CFAP58: variants seen among roughly 807,000 people sequenced by gnomAD.
CFAP58 encodes the protein cilia- and flagella-associated protein 58.
Under a neutral mutation model 119.5 loss-of-function variants are expected in CFAP58, and 88 were observed. The ratio of observed to expected loss-of-function variants is 0.74; its 90% CI spans 0.62 to 0.88. The LOEUF is 0.88. Among genes scored for constraint, CFAP58 ranks in the 40% least tolerant of loss-of-function variants. The pLI, the probability that CFAP58 is intolerant of heterozygous loss-of-function variation, is 0.00. For synonymous variants in CFAP58, 365 were observed against 366.3 expected, an observed-to-expected ratio of 1.00 and a Z score of 0.04; for missense variants, 990 against 1,021.2, an observed-to-expected ratio of 0.97 and a Z score of 0.42.
Position 104,438,565 on chromosome 10 carries a change from C to T in CFAP58, c.2257-9133C>T, listed in dbSNP as rs371044873. ...TAATTTTTTGTATTTTTAGTAGAGA[C>T]GGGGTTTCACCTTGTTAGCCAGGAT... On this transcript the variant is annotated intron_variant, in intron 15 of 17. Transcript: ENST00000369704. Among the ~76,000 whole-genome samples, 47 of 151,822 alleles carry T rather than the reference C, an allele frequency of 3.1e-4. 1 individual carries two copies. Among genetic ancestry groups the T allele is most frequent in the African/African-American group, 1.1e-3 (45 of 41,440 alleles).
chr10:104,366,322 C>T (rs577757576), intron 5 of CFAP58, among the ~76,000 whole-genome samples: 3 of 152,242 alleles, frequency 2.0e-5, no homozygotes, highest in Non-Finnish European at 4.4e-5. Context: ...CACTCAACCG[C>T]ATCTTGGTCA....
At chr10:104,372,938 T>TTTCC (rs1387877404) in intron 7 of CFAP58, among the ~76,000 whole-genome samples, 3 of 151,978 alleles carry the variant, frequency 2.0e-5, no homozygotes, top group African/African-American at 7.3e-5. Flanking sequence ...GGAGCATGGG[T>TTTCC]CTCCCTCCTA....
intron 2 of CFAP58, among the ~76,000 whole-genome samples, chr10:104,360,052 T>TTA (rs2014645345): frequency 1.3e-5 from 2 of 152,380 alleles, no homozygotes; most frequent in South Asian, 4.1e-4. Context: ...AAGAGTAATC[T>TTA]GTCTAATGTA....
At chr10:104,420,636 A>G (rs1037203896) in intron 15 of CFAP58, among the ~76,000 whole-genome samples, 5 of 152,188 alleles carry the variant, frequency 3.3e-5, no homozygotes, top group Non-Finnish European at 5.9e-5. Flanking sequence ...TCCTACAACT[A>G]AAATAAAAGT....
intron 15 of CFAP58, among the ~76,000 whole-genome samples, chr10:104,420,470 A>G (rs893996401): frequency 1.3e-5 from 2 of 152,182 alleles, no homozygotes; most frequent in South Asian, 2.1e-4. Context: ...CAGATCTTCA[A>G]TTTGGTTAGC....
intron 9 of CFAP58, among the ~76,000 whole-genome samples, chr10:104,385,369 G>A (rs2011901836): frequency 6.6e-6 from 1 of 152,086 alleles, no homozygotes; most frequent in Non-Finnish European, 1.5e-5. Context: ...AATCCAACAT[G>A]GCGTTACTGC....
intron 15 of CFAP58, among the ~76,000 whole-genome samples, chr10:104,444,956 T>G (rs1427353495): frequency 1.3e-5 from 2 of 152,188 alleles, no homozygotes; most frequent in Admixed American, 6.5e-5. Context: ...TTCTCCATAC[T>G]TGTGGGCCCT....
chr10:104,392,801 G>T (rs1420178837), intron 10 of CFAP58, among the ~76,000 whole-genome samples: 1 of 151,870 alleles, frequency 6.6e-6, no homozygotes, highest in Non-Finnish European at 1.5e-5. Context: ...CACCATGCCT[G>T]GCTAATTTTT....
chr10:104,372,729 C>T (rs1017837882), intron 7 of CFAP58, among the ~76,000 whole-genome samples: 3 of 152,160 alleles, frequency 2.0e-5, no homozygotes, highest in Non-Finnish European at 4.4e-5. Flanking sequence ...TTTTTGCTTG[C>T]AATAGTTCTA....
rs566970373 is a variant in CFAP58, at chr10:104,417,886, A to G, written c.2256+11093A>G. Reference sequence around the variant, plus strand: ...CTTGCCCAAGAGCTTGTGGTTAAGAAATATCAGAGCTGCAATGATAAACCA... The same window carrying G: ...CTTGCCCAAGAGCTTGTGGTTAAGAGATATCAGAGCTGCAATGATAAACCA... On this transcript the variant is annotated intron_variant, in intron 15 of 17. Coordinates refer to ENST00000369704, the MANE Select transcript of CFAP58 (RefSeq NM_001008723.2). 2.7e-3 allele frequency among the ~76,000 whole-genome samples: 418 copies of G among 152,354 alleles called. 5 individuals are homozygous for G. The highest frequency in any genetic ancestry group is 4.1e-3 in the Non-Finnish European group (276 of 68,038).
chr10:104,377,630 G>C (rs956684656), intron 8 of CFAP58, among the ~76,000 whole-genome samples: 1 of 152,146 alleles, frequency 6.6e-6, no homozygotes, highest in Non-Finnish European at 1.5e-5. Context: ...TGTGGGGGAT[G>C]GTGGCAGGGT....
At chr10:104,447,185 CTTT>C (rs763691381) in intron 15 of CFAP58, among the ~76,000 whole-genome samples, 2 of 121,990 alleles carry the variant, frequency 1.6e-5, no homozygotes, top group Non-Finnish European at 3.5e-5. Context: ...TTTCCTCTCT[CTTT>C]TTTTTTTTAA....
At chr10:104,376,451 C>T (rs972497360) in intron 7 of CFAP58, among the ~76,000 whole-genome samples, 3 of 144,384 alleles carry the variant, frequency 2.1e-5, no homozygotes, top group South Asian at 4.3e-4. Flanking sequence ...GTTGTAGAGC[C>T]GAGATTGTGC....
intron 15 of CFAP58, among the ~76,000 whole-genome samples, chr10:104,439,666 C>T (rs2013002529): frequency 6.6e-6 from 1 of 151,862 alleles, no homozygotes; most frequent in Non-Finnish European, 1.5e-5. Context: ...GATTGTGCGA[C>T]TGCAATCCAG....
intron 17 of CFAP58, 42 bp downstream of exon 17, chr10:104,450,246 T>A: frequency 6.3e-7 from 1 of 1,599,290 alleles, no homozygotes; most frequent in Non-Finnish European, 8.5e-7. Flanking sequence ...GTGCCTATTA[T>A]CTGCACATAA....
At chr10:104,360,261 C>T (rs537621011) in intron 2 of CFAP58, among the ~76,000 whole-genome samples, 2 of 152,300 alleles carry the variant, frequency 1.3e-5, no homozygotes, top group East Asian at 3.9e-4. Flanking sequence ...TTGGTCACCA[C>T]ATTGCATTAA....
At chr10:104,452,697 T>C (rs2013214423) in intron 17 of CFAP58, among the ~76,000 whole-genome samples, 1 of 152,268 alleles carries the variant, frequency 6.6e-6, no homozygotes, top group Non-Finnish European at 1.5e-5. Context: ...ACTAGTCACA[T>C]TTCAAGTGCT....
chr10:104,387,779 G>C (rs1309169051), intron 9 of CFAP58, among the ~76,000 whole-genome samples: 1 of 152,034 alleles, frequency 6.6e-6, no homozygotes, highest in Non-Finnish European at 1.5e-5. Context: ...CTCATTTTAG[G>C]ATCTCCCTCT....
chr10:104,378,807 G>A (rs576778579), intron 8 of CFAP58, among the ~76,000 whole-genome samples: 1 of 152,138 alleles, frequency 6.6e-6, no homozygotes, highest in South Asian at 2.1e-4. Flanking sequence ...ACTTTTGCAT[G>A]AGCATGGCTG....
Sources: gnomAD v4.1 joint callset for allele counts (sites outside exome capture counted in the v4.1 genomes callset) on GRCh38, gnomAD v4.1.1 for gene constraint, MANE v1.5 for transcripts, NCBI Gene and HGNC (gene_info 2026-07-23, HGNC 2026-07-21) for gene names.